GLIS3: variants seen among roughly 807,000 people sequenced by gnomAD.
GLIS3 encodes the protein GLIS family zinc finger 3.
Under a neutral mutation model 78.6 loss-of-function variants are expected in GLIS3, and 53 were observed. The ratio of observed to expected loss-of-function variants is 0.67; its 90% CI spans 0.54 to 0.85. The LOEUF (loss-of-function observed/expected upper bound fraction) is 0.85. Among genes scored for constraint, GLIS3 ranks in the 40% least tolerant of loss-of-function variants. The pLI is 0.00. For missense variants in GLIS3, 1,703 were observed against 1,231.1 expected, an observed-to-expected ratio of 1.38 and a Z score of -5.74; for synonymous variants, 684 against 509.9, an observed-to-expected ratio of 1.34 and a Z score of -4.60.
the GLIS3 span, among the ~76,000 whole-genome samples, chr9:4,473,000 G>A: frequency 2.0e-5 from 3 of 152,078 alleles, no homozygotes; most frequent in Admixed American, 6.6e-5. Flanking sequence ...GAGTCTAACG[G>A]TAGTTCTGTT....
At chr9:4,490,395 C>A in the GLIS3 span, 4 of 221,774 alleles carry the variant, frequency 1.8e-5, no homozygotes, top group Non-Finnish European at 2.6e-5. Context: ...GCCGCTCCTC[C>A]CTCCTTCCTC....
chr9:3,962,507 T>C (rs1008010834), intron 4 of GLIS3, among the ~76,000 whole-genome samples: 16 of 152,220 alleles, frequency 1.1e-4, no homozygotes, highest in African/African-American at 3.6e-4. Context: ...ACACTGTAAG[T>C]GTACATCTGG....
At chr9:4,039,841 T>A (rs1824651611) in intron 4 of GLIS3, among the ~76,000 whole-genome samples, 1 of 152,182 alleles carries the variant, frequency 6.6e-6, no homozygotes. Flanking sequence ...AGCACTCAAG[T>A]TAGAAGCAGA....
chr9:4,407,038 A>G, the GLIS3 span, among the ~76,000 whole-genome samples: 8 of 152,350 alleles, frequency 5.3e-5, no homozygotes, highest in Middle Eastern at 6.8e-3. Flanking sequence ...ACCTGACTTC[A>G]AATTATACTA....
the GLIS3 span, among the ~76,000 whole-genome samples, chr9:4,377,089 G>C: frequency 7.4e-6 from 1 of 134,964 alleles, no homozygotes; most frequent in African/African-American, 2.6e-5. Flanking sequence ...GTTAATATTA[G>C]GTGTCAAATT....
At chr9:4,154,007 G>A (rs1834873785) in intron 2 of GLIS3, among the ~76,000 whole-genome samples, 1 of 152,330 alleles carries the variant, frequency 6.6e-6, no homozygotes. Flanking sequence ...CTCCCGTGCT[G>A]CCAGGTGATG....
the GLIS3 span, among the ~76,000 whole-genome samples, chr9:4,434,229 T>C: frequency 1.3e-5 from 2 of 152,230 alleles, no homozygotes; most frequent in Non-Finnish European, 2.9e-5. Flanking sequence ...ATTCCACATA[T>C]GTTTTATATA....
intron 2 of GLIS3, among the ~76,000 whole-genome samples, chr9:4,149,728 T>C (rs1178287380): frequency 6.6e-6 from 1 of 152,168 alleles, no homozygotes; most frequent in Non-Finnish European, 1.5e-5. Flanking sequence ...GTTATCTCAC[T>C]CATTCAGGAG....
the GLIS3 span, among the ~76,000 whole-genome samples, chr9:4,467,721 GC>G: frequency 1.3e-5 from 2 of 152,142 alleles, no homozygotes; most frequent in Non-Finnish European, 2.9e-5. Context: ...AAATCAGAGG[GC>G]CTCTTCACCC....
Position 4,236,321 on chromosome 9 carries a change from A to C in GLIS3, c.388+49717T>G, listed in dbSNP as rs145298454. ...TGCCCTAAACATGTTTGTGGTTTAC[A>C]TCAGTACGTCTCCTTCACTTATTAA... On this transcript the variant is annotated intron_variant, in intron 2 of 10. Coordinates refer to ENST00000381971, the MANE Select transcript of GLIS3 (RefSeq NM_001042413.2). 3.3e-5 allele frequency among the ~76,000 whole-genome samples: 5 copies of C among 152,264 alleles called. No individual in the cohort carries two copies. The East Asian group carries it at 7.7e-4, about 24-fold the overall frequency.
the GLIS3 span, among the ~76,000 whole-genome samples, chr9:4,473,865 C>G: frequency 6.6e-6 from 1 of 151,806 alleles, no homozygotes; most frequent in Non-Finnish European, 1.5e-5. Context: ...GAGAGAAAAA[C>G]CTAATGAAGA....
At chr9:3,943,333 T>G (rs1049441178) in intron 4 of GLIS3, among the ~76,000 whole-genome samples, 2 of 152,360 alleles carry the variant, frequency 1.3e-5, no homozygotes, top group South Asian at 4.1e-4. Flanking sequence ...TTCTGCTCCT[T>G]GTTTTGTTGG....
At chr9:4,261,758 C>A (rs4387025) in intron 2 of GLIS3, among the ~76,000 whole-genome samples, 1 of 152,220 alleles carries the variant, frequency 6.6e-6, no homozygotes, top group East Asian at 1.9e-4. Flanking sequence ...TTCAGAGAGT[C>A]TTTAAAGCAA....
At chr9:4,161,740 C>A (rs1388681002) in intron 2 of GLIS3, among the ~76,000 whole-genome samples, 1 of 144,244 alleles carries the variant, frequency 6.9e-6, no homozygotes, top group African/African-American at 2.6e-5. Context: ...TACAGTGGCG[C>A]AATTCTCGGC....
the GLIS3 span, chr9:4,490,431 C>A: frequency 7.4e-6 from 2 of 269,056 alleles, no homozygotes; most frequent in Non-Finnish European, 1.4e-5. Flanking sequence ...CGCCGCAGAG[C>A]GCGGCGGCAG....
intron 2 of GLIS3, among the ~76,000 whole-genome samples, chr9:4,332,675 G>A (rs1233772339): frequency 6.6e-6 from 1 of 152,170 alleles, no homozygotes; most frequent in Non-Finnish European, 1.5e-5. Flanking sequence ...ACTATTAGAT[G>A]ACATAGAAAG....
intron 4 of GLIS3, among the ~76,000 whole-genome samples, chr9:4,015,371 A>T (rs1822350809): frequency 6.6e-6 from 1 of 152,214 alleles, no homozygotes; most frequent in Non-Finnish European, 1.5e-5. Context: ...GTTCTTTCAC[A>T]AAATGTTAAT....
chr9:4,143,552 G>C (rs1407349288), intron 2 of GLIS3, among the ~76,000 whole-genome samples: 1 of 146,600 alleles, frequency 6.8e-6, no homozygotes, highest in African/African-American at 2.5e-5. Context: ...GGGCGACAGA[G>C]CAAGACTGTC....
intron 2 of GLIS3, among the ~76,000 whole-genome samples, chr9:4,139,625 G>A (rs1481511866): frequency 2.0e-5 from 3 of 152,144 alleles, no homozygotes; most frequent in Non-Finnish European, 4.4e-5. Context: ...TTTGGCCCCA[G>A]GGACTGGTTT....
Sources: allele counts gnomAD v4.1 joint callset (sites outside exome capture counted in the v4.1 genomes callset), GRCh38; gene constraint gnomAD v4.1.1; transcripts MANE v1.5; gene names NCBI Gene and HGNC (gene_info 2026-07-23, HGNC 2026-07-21).